The following NAPA variants were observed in gnomAD, a reference collection of about 807,000 sequenced individuals.
NAPA encodes the protein NSF attachment protein alpha.
Under a neutral mutation model 48.0 loss-of-function variants are expected in NAPA, and 18 were observed. The ratio of observed to expected loss-of-function variants is 0.38; its 90% CI spans 0.26 to 0.56. The LOEUF is 0.56. Ranked by LOEUF, NAPA falls within the 20% of genes least tolerant of loss-of-function variation. The probability of loss-of-function intolerance (pLI) is 0.77; values close to 1 mark genes in which losing one functional copy is unlikely to be tolerated. For synonymous variants in NAPA, 152 were observed against 149.9 expected (o/e 1.01, Z -0.10); for missense variants, 315 against 385.0 (o/e 0.82, Z 1.52).
chr19:47,488,195 T>G lies in NAPA; in HGVS notation c.*93A>C. On this transcript the variant is annotated 3_prime_UTR_variant, in exon 11 of 11. Transcript: ENST00000263354. ...ACTGTGGCCCGCGGCACTCCCCAGA[T>G]GGGAAAGGAGGGAAGCTCTCCAGCA... 3 of 1,254,760 alleles carry G rather than the reference T, an allele frequency of 2.4e-6. No individual in the cohort carries two copies. Among genetic ancestry groups the G allele is most frequent in the Non-Finnish European group, 3.4e-6 (3 of 887,938 alleles). 77.7% of individuals were successfully genotyped at this position (1,254,760 alleles called of 1,614,324 possible).
Position 47,493,407 on chromosome 19 carries a change from G to A in NAPA, c.420+9C>T. 1 of 1,613,756 alleles carries A rather than the reference G, an allele frequency of 6.2e-7. No homozygotes were observed. The highest frequency in any genetic ancestry group is 1.1e-5 in the South Asian group (1 of 91,074). ...CTGCCAGCCCATGCAGGGCCCTGCT[G>A]CCACTCACCTTCTCGATGTCCACCA... On this transcript the variant is annotated intron_variant, in intron 5 of 10. Transcript: ENST00000263354. The surrounding 1 kb of genome is among the most constrained non-coding windows in gnomAD (Gnocchi z 6.4).
At chr19:47,510,034 G>A (rs1044473576) in intron 1 of NAPA, among the ~76,000 whole-genome samples, 1 of 152,230 alleles carries the variant, frequency 6.6e-6, no homozygotes, top group African/African-American at 2.4e-5. Context: ...GGATTCCCCA[G>A]AAACCTTGTG....
At chr19:47,503,381 G>C in intron 2 of NAPA, 42 bp downstream of exon 2, 1 of 1,564,102 alleles carries the variant, frequency 6.4e-7, no homozygotes, top group Non-Finnish European at 8.8e-7. Context: ...AGCTGAGGGA[G>C]GAGGAGAGCA....
intron 3 of NAPA, 110 bp from the exon 4 acceptor site, chr19:47,495,706 T>C (rs1259669466): frequency 3.0e-6 from 3 of 1,001,628 alleles, no homozygotes; most frequent in African/African-American, 3.2e-5. Flanking sequence ...GAGAGATCAA[T>C]AGGCGCTCAG....
chr19:47,511,177 T>A (rs886143601), intron 1 of NAPA, among the ~76,000 whole-genome samples: 3 of 152,162 alleles, frequency 2.0e-5, no homozygotes, highest in Admixed American at 1.3e-4. Context: ...GCCGCAACGC[T>A]CCCTTCTCCA....
At chr19:47,486,893 C>T (rs1250829369), downstream of NAPA, among the ~76,000 whole-genome samples, 2 of 152,198 alleles carry the variant, frequency 1.3e-5, no homozygotes, top group Non-Finnish European at 2.9e-5. Context: ...AGGAGTCCAC[C>T]CTGGTTTCCT....
intron 9 of NAPA, 148 bp from the exon 10 acceptor site, chr19:47,489,909 T>G: frequency 4.0e-6 from 3 of 759,172 alleles, no homozygotes; most frequent in East Asian, 2.7e-5. Flanking sequence ...TGGGTTAAAC[T>G]GGGGATGGGT....
chr19:47,488,399 C>T lies in NAPA; in HGVS notation c.787-10G>A, dbSNP rs1455314305. ...AGTCGTATTCCTTCACCTGAGGGCA[C>T]ACCAGGTGATAGGCTGGCCATGCTC... On this transcript the variant is annotated splice_polypyrimidine_tract_variant and intron_variant, in intron 10 of 10. Transcript: ENST00000263354. 1.2e-6 allele frequency: 2 copies of T among 1,606,646 alleles called. No homozygotes were observed. The highest frequency in any genetic ancestry group is 1.1e-5 in the South Asian group (1 of 90,870).
At position 47,492,003 on chromosome 19, in the gene NAPA, G is replaced by T. The variant is rs766672289; in HGVS notation, c.666+12C>A. On this transcript the variant is annotated intron_variant, in intron 8 of 10. Coordinates refer to ENST00000263354, the MANE Select transcript of NAPA (RefSeq NM_003827.4). ...CCTGGTGCGGTGGTCCTGCGGGCGT[G>T]GGGTGTGCTACCTTGGCGTTGAGCA... 8 of 1,611,290 alleles carry T rather than the reference G, an allele frequency of 5.0e-6. No individual in the cohort carries two copies. The Admixed American group carries it at 1.2e-4, about 24-fold the overall frequency.
Position 47,490,789 on chromosome 19 carries a change from T to G in NAPA, c.734A>C (p.Lys245Thr). The change falls in exon 9 of 11, where the codon AAA becomes ACA. Residue 245 changes from lysine to threonine, a missense_variant and splice_region_variant. By Grantham distance (78) the Lys-to-Thr change is moderately conservative. This residue lies in a region of NAPA where 137 missense variants were observed against 150.1 expected (regional missense o/e 0.91). Transcript: ENST00000263354. ...GAGGCCGGAGCACCCAGCACTTACT[T>G]TCATCAACTTGCATTCCCGGGAATC... The part of the protein sequence containing the change: ...FSDSRECKLM[K>T]KLLEAHEEQN... The G allele has an allele frequency of 6.2e-7, 1 of 1,613,454 alleles. No individual in the cohort carries two copies. Among genetic ancestry groups the G allele is most frequent in the South Asian group, 1.1e-5 (1 of 90,882 alleles).
chr19:47,486,098 G>A (rs1195822810), downstream of NAPA, among the ~76,000 whole-genome samples: 4 of 152,216 alleles, frequency 2.6e-5, no homozygotes, highest in African/African-American at 9.6e-5. Context: ...GCTCATGCCT[G>A]TAATTCCAGA....
intron 1 of NAPA, among the ~76,000 whole-genome samples, chr19:47,510,988 G>A (rs1968794597): frequency 2.0e-5 from 3 of 152,222 alleles, no homozygotes. Context: ...CAGAAATAAT[G>A]AAGAGCAAGG....
At chr19:47,507,471 CCGA>C (rs1968714712) in intron 1 of NAPA, among the ~76,000 whole-genome samples, 1 of 152,158 alleles carries the variant, frequency 6.6e-6, no homozygotes, top group Non-Finnish European at 1.5e-5. Flanking sequence ...CCTGCAGCTC[CCGA>C]AGGACCTCAC....
rs753619188 is a variant in NAPA at position 47,488,373 on chromosome 19, G to A, written c.803C>T (p.Ser268Phe). ...SYTESVKEYD[S>F]ISRLDQWLTT... ...GAGCCACTGGTCCAGCCGGGAGATG[G>A]AGTCGTATTCCTTCACCTGAGGGCA... The change falls in exon 11 of 11, where the codon TCC becomes TTC. Residue 268 changes from serine (S) to phenylalanine (F), a missense_variant. Ser to Phe is a radical substitution (Grantham distance 155, BLOSUM62 -2). Around this residue, in one of 3 missense-constraint regions of NAPA, gnomAD observed 137 missense variants for 150.1 expected, o/e 0.91. Coordinates refer to ENST00000263354, the MANE Select transcript of NAPA (RefSeq NM_003827.4). 29 of 1,613,374 alleles carry A rather than the reference G, an allele frequency of 1.8e-5. 1 individual carries two copies. The South Asian group carries it at 3.0e-4, about 16-fold the overall frequency.
chr19:47,497,860 G>T (rs114062569), intron 3 of NAPA, among the ~76,000 whole-genome samples: 4 of 152,220 alleles, frequency 2.6e-5, no homozygotes, highest in Non-Finnish European at 5.9e-5. Context: ...ATGGCAGCTG[G>T]GGAGGAAGTG....
At chr19:47,495,267 T>G (rs1968390415) in intron 4 of NAPA, 1 of 485,460 alleles carries the variant, frequency 2.1e-6, no homozygotes, top group African/African-American at 1.9e-5. Flanking sequence ...ATGCCAGGAT[T>G]ACAGGCATGA....
Position 47,493,207 on chromosome 19 carries a change from G to A in NAPA, c.421-33C>T, listed in dbSNP as rs746063974. On this transcript the variant is annotated intron_variant, in intron 5 of 10. Transcript: ENST00000263354. This position sits in a 1 kb window ranked among gnomAD's most constrained non-coding sequence, Gnocchi z 6.4. ...GACACGGGGGATGGGTTCCAGGGGA[G>A]GGCAGGGAAGGGAGAGGAGGCCTCC... 47 of 1,563,716 alleles carry A rather than the reference G, an allele frequency of 3.0e-5. No homozygotes were observed. The highest frequency in any genetic ancestry group is 4.1e-5 in the Non-Finnish European group (47 of 1,150,820).
chr19:47,505,771 T>C (rs1310206789), intron 1 of NAPA, among the ~76,000 whole-genome samples: 1 of 152,128 alleles, frequency 6.6e-6, no homozygotes, highest in Non-Finnish European at 1.5e-5. Flanking sequence ...TCACACCAGG[T>C]AAATAATCTA....
At chr19:47,504,043 G>T (rs1007644026) in intron 1 of NAPA, among the ~76,000 whole-genome samples, 2 of 152,072 alleles carry the variant, frequency 1.3e-5, no homozygotes, top group Non-Finnish European at 2.9e-5. Context: ...ACAAAGAAAT[G>T]GGAAGCACTA....
Sources: gnomAD v4.1 joint callset for allele counts (sites outside exome capture counted in the v4.1 genomes callset) on GRCh38, gnomAD v4.1.1 for gene constraint, gnomAD v4.1.1 regional missense constraint, Gnocchi (gnomAD v3.1) non-coding constraint, MANE v1.5 for transcripts, NCBI Gene and HGNC (gene_info 2026-07-23, HGNC 2026-07-21) for gene names.